The following RAB4A variants were observed in gnomAD, a reference collection of about 807,000 sequenced individuals.
RAB4A encodes RAB4A, member RAS oncogene family.
Under a neutral mutation model 34.5 loss-of-function variants are expected in RAB4A, and 20 were observed. That is an observed-to-expected ratio of 0.58 (90% CI 0.41 to 0.84). The LOEUF (loss-of-function observed/expected upper bound fraction) is 0.84. RAB4A is among the 40% of genes least tolerant of loss of function. RAB4A has a pLI of 0.00. For missense variants in RAB4A, 228 were observed against 274.5 expected, an observed-to-expected ratio of 0.83 and a Z score of 1.20; for synonymous variants, 102 against 100.0, an observed-to-expected ratio of 1.02 and a Z score of -0.12.
intron 2 of RAB4A, 26 bp downstream of exon 2, chr1:229,286,592 T>C (rs373794368): frequency 1.0e-4 from 140 of 1,404,302 alleles, no homozygotes; most frequent in East Asian, 9.9e-4. Context: ...TTAGTCATTC[T>C]TCCGTGCATG....
chr1:229,290,389 T>C (rs1474518968), intron 3 of RAB4A, among the ~76,000 whole-genome samples: 2 of 152,112 alleles, frequency 1.3e-5, no homozygotes, highest in Admixed American at 1.3e-4. Context: ...CAGGTGTGTA[T>C]GTCCCACATA....
At position 229,271,146 on chromosome 1, in the gene RAB4A, G is replaced by A. The variant is rs1423148647; in HGVS notation, c.-194G>A. 1.2e-5 allele frequency: 5 copies of A among 410,788 alleles called. No individual in the cohort carries two copies. Among genetic ancestry groups the A allele is most frequent in the Non-Finnish European group, 2.0e-5 (5 of 248,576 alleles). The allele number at this position is 410,788 out of a possible 1,614,324, so 25.4% of individuals were successfully genotyped here. On this transcript the variant is annotated 5_prime_UTR_variant, in exon 1 of 8. Transcript: ENST00000366690. ...TCGCGGTCGCGGCCGGACGGAGGGT[G>A]GAGGGCCCTGCGCCTGCGCGGAGCT...
intron 1 of RAB4A, among the ~76,000 whole-genome samples, chr1:229,271,842 G>A (rs1054474351): frequency 6.6e-6 from 1 of 152,246 alleles, no homozygotes; most frequent in Non-Finnish European, 1.5e-5. Context: ...TGGGATTACA[G>A]TGAGGAGTTA....
At chr1:229,290,313 T>C (rs1657035639) in intron 3 of RAB4A, among the ~76,000 whole-genome samples, 1 of 152,012 alleles carries the variant, frequency 6.6e-6, no homozygotes, top group South Asian at 2.1e-4. Context: ...AGAGGGAAAT[T>C]AAGTGAAAAT....
intron 1 of RAB4A, among the ~76,000 whole-genome samples, chr1:229,276,831 G>A (rs528665652): frequency 6.6e-6 from 1 of 150,818 alleles, no homozygotes; most frequent in South Asian, 2.1e-4. Context: ...AGTGACTTGA[G>A]CAGCTGTGCT....
At chr1:229,274,256 G>A (rs1253561419) in intron 1 of RAB4A, among the ~76,000 whole-genome samples, 2 of 150,234 alleles carry the variant, frequency 1.3e-5, no homozygotes, top group Admixed American at 6.6e-5. Context: ...GTAGAGACGA[G>A]GTCTCTGTCT....
intron 1 of RAB4A, among the ~76,000 whole-genome samples, chr1:229,283,394 T>G (rs1656827234): frequency 6.6e-6 from 1 of 152,228 alleles, no homozygotes; most frequent in East Asian, 1.9e-4. Context: ...AGGCTCCCCA[T>G]TCGGCCTTTG....
At chr1:229,291,554 A>G (rs1167756201) in intron 3 of RAB4A, among the ~76,000 whole-genome samples, 1 of 152,180 alleles carries the variant, frequency 6.6e-6, no homozygotes, top group Non-Finnish European at 1.5e-5. Context: ...CTTTTGTAGA[A>G]ATGAGAAGAA....
chr1:229,295,881 C>T lies in RAB4A; in HGVS notation c.261C>T (p.Ala87=), dbSNP rs769572243. Residue 87 remains alanine (A), a synonymous_variant, in exon 4 of 8, where the codon GCC becomes GCT. Coordinates refer to ENST00000366690, the MANE Select transcript of RAB4A (RefSeq NM_004578.4). The part of the protein sequence containing the change: ...SVTRSYYRGA[A]GALLVYDITS... ...CGAGAAGTTATTACCGAGGCGCGGC[C>T]GGGGCTCTCCTCGTCTATGATATCA... 1.4e-5 allele frequency: 23 copies of T among 1,614,128 alleles called. No individual in the cohort carries two copies. The highest frequency in any genetic ancestry group is 4.5e-5 in the East Asian group (2 of 44,866).
At chr1:229,298,723 T>C (rs1657305956) in intron 5 of RAB4A, among the ~76,000 whole-genome samples, 1 of 152,248 alleles carries the variant, frequency 6.6e-6, no homozygotes, top group African/African-American at 2.4e-5. Flanking sequence ...GAAGCCTGGT[T>C]GCTTGCTCAG....
At position 229,271,326 on chromosome 1, in the gene RAB4A, G is replaced by GCGCC; in HGVS notation, c.-13_-10dup. 1 of 1,316,294 alleles carries GCGCC rather than the reference G, an allele frequency of 7.6e-7. No homozygotes were observed. Among genetic ancestry groups the GCGCC allele is most frequent in the East Asian group, 3.2e-5 (1 of 31,526 alleles). The allele number at this position is 1,316,294 out of a possible 1,614,324, so 81.5% of individuals were successfully genotyped here. On this transcript the variant is annotated 5_prime_UTR_variant, in exon 1 of 8. Coordinates refer to ENST00000366690, the MANE Select transcript of RAB4A (RefSeq NM_004578.4). ...GCAGCCGGTGACCCGGCGAGAGGCG[G>GCGCC]CGCCGCTCCCAAGATGTCGCAGACG... is the stretch of plus-strand genomic sequence containing the variant.
At chr1:229,282,207 T>C (rs1396881276) in intron 1 of RAB4A, among the ~76,000 whole-genome samples, 1 of 152,152 alleles carries the variant, frequency 6.6e-6, no homozygotes, top group Non-Finnish European at 1.5e-5. Flanking sequence ...TCACAGGACA[T>C]AGGGCTCTGG....
In RAB4A at chr1:229,297,153, C is replaced by T. The variant is rs916521510; in HGVS notation, c.291-329C>T. Among the ~76,000 whole-genome samples, 19 of 152,242 alleles carry T rather than the reference C, an allele frequency of 1.2e-4. 1 individual carries two copies. The highest frequency in any genetic ancestry group is 3.9e-4 in the African/African-American group (16 of 41,466). On this transcript the variant is annotated intron_variant, in intron 4 of 7. Coordinates refer to ENST00000366690, the MANE Select transcript of RAB4A (RefSeq NM_004578.4). Reference sequence around the variant, plus strand: ...GGCAGCAATTAGCTATGAAATCTTGCCTACCAGAGTCTAGTGCCTTGCGCA... The same window carrying T: ...GGCAGCAATTAGCTATGAAATCTTGTCTACCAGAGTCTAGTGCCTTGCGCA...
intron 3 of RAB4A, among the ~76,000 whole-genome samples, chr1:229,291,084 G>T (rs6694218): frequency 0.023 from 3,435 of 152,316 alleles, 140 homozygotes; most frequent in African/African-American, 0.078. Flanking sequence ...AAATGGAATT[G>T]CTTTGCACCC....
chr1:229,302,737 C>T (rs1657448211), intron 6 of RAB4A, 125 bp from the exon 7 acceptor site: 2 of 625,812 alleles, frequency 3.2e-6, no homozygotes, highest in South Asian at 2.2e-5. Flanking sequence ...TAGTTTTTTC[C>T]CTTTATTCAG....
rs564359194 is a variant in RAB4A at position 229,291,316 on chromosome 1, C to T, written c.227+2473C>T. On this transcript the variant is annotated intron_variant, in intron 3 of 7. Transcript: ENST00000366690. ...TTAGAAAGTTTAGGAGGATATACTT[C>T]ACCAGGACAAGGGCATGATCCCAGA... Among the ~76,000 whole-genome samples the T allele has an allele frequency of 6.6e-5, 10 of 152,310 alleles. No homozygotes were observed. The South Asian group carries it at 1.7e-3, about 25-fold the overall frequency.
At chr1:229,294,926 C>T (rs910142135) in intron 3 of RAB4A, among the ~76,000 whole-genome samples, 1 of 151,374 alleles carries the variant, frequency 6.6e-6, no homozygotes, top group Non-Finnish European at 1.5e-5. Context: ...ATGGGCGGTA[C>T]CAGAGCCAAT....
At chr1:229,281,167 T>C (rs1332998229) in intron 1 of RAB4A, among the ~76,000 whole-genome samples, 1 of 152,198 alleles carries the variant, frequency 6.6e-6, no homozygotes, top group African/African-American at 2.4e-5. Context: ...CTGAGTCATA[T>C]GGTAGTTAAA....
intron 6 of RAB4A, among the ~76,000 whole-genome samples, chr1:229,301,735 C>T (rs12085054): frequency 0.19 from 29,122 of 151,692 alleles, 2,808 homozygotes; most frequent in African/African-American, 0.21. Context: ...CATTCAGAAA[C>T]CATTGTTTTC....
Sources: gnomAD v4.1 joint callset for allele counts (sites outside exome capture counted in the v4.1 genomes callset) on GRCh38, gnomAD v4.1.1 for gene constraint, MANE v1.5 for transcripts, NCBI Gene and HGNC (gene_info 2026-07-23, HGNC 2026-07-21) for gene names.